The following XPO7 variants were observed in gnomAD, a reference collection of about 807,000 sequenced individuals.
XPO7 encodes exportin-7.
XPO7 carries 21 observed loss-of-function variants against 144.3 expected under a neutral mutation model. The ratio of observed to expected loss-of-function variants is 0.15; its 90% confidence interval spans 0.10 to 0.21. The LOEUF (loss-of-function observed/expected upper bound fraction) is 0.21, where lower values mean the gene tolerates loss of function less well. XPO7 is among the 10% of genes least tolerant of loss of function. XPO7 has a pLI of 1.00. For synonymous variants in XPO7, 580 were observed against 499.6 expected, an observed-to-expected ratio of 1.16 and a Z score of -2.15; for missense variants, 808 against 1,325.8, an observed-to-expected ratio of 0.61 and a Z score of 6.06.
intron 1 of XPO7, among the ~76,000 whole-genome samples, chr8:21,943,979 A>G (rs1280104064): frequency 1.3e-5 from 2 of 152,248 alleles, no homozygotes; most frequent in South Asian, 2.1e-4. Flanking sequence ...ACAAAAATGT[A>G]TCTGGAGTTC....
chr8:21,973,796 A>G (rs1812139807), intron 5 of XPO7, among the ~76,000 whole-genome samples: 2 of 152,260 alleles, frequency 1.3e-5, no homozygotes, highest in Admixed American at 6.5e-5. Flanking sequence ...GACTGGGAGC[A>G]TACTAAAGAA....
In XPO7 at chr8:21,974,714, T is replaced by C. The variant is rs745561592; in HGVS notation, c.537T>C (p.Ser179=). ...HPLTKHRKIA[S]SFRDSSLFDI... ...TAACCAAGCACAGAAAAATAGCCTCTTCTTTTCGCGATTCATCATTATTTG... is the reference window on the plus strand; with the variant it reads ...TAACCAAGCACAGAAAAATAGCCTCCTCTTTTCGCGATTCATCATTATTTG... The change falls in exon 6 of 28, where the codon TCT becomes TCC. Residue 179 remains serine, a synonymous_variant. Coordinates refer to ENST00000252512, the MANE Select transcript of XPO7 (RefSeq NM_015024.5). 4 of 1,593,844 alleles carry C rather than the reference T, an allele frequency of 2.5e-6. No individual in the cohort carries two copies. In the East Asian group the frequency reaches 6.7e-5, roughly 27 times the overall value.
At chr8:21,954,511 G>C (rs1271426572) in intron 1 of XPO7, among the ~76,000 whole-genome samples, 1 of 152,082 alleles carries the variant, frequency 6.6e-6, no homozygotes, top group East Asian at 1.9e-4. Context: ...GCACAGACCT[G>C]TAATCCCAGC....
At chr8:21,927,389 A>G (rs918339212) in intron 1 of XPO7, among the ~76,000 whole-genome samples, 13 of 152,144 alleles carry the variant, frequency 8.5e-5, no homozygotes, top group African/African-American at 3.1e-4. Context: ...TGTTGTGAGC[A>G]AGAAGTTTTA....
chr8:21,938,891 G>A (rs1469675661), intron 1 of XPO7, among the ~76,000 whole-genome samples: 2 of 152,134 alleles, frequency 1.3e-5, no homozygotes, highest in African/African-American at 2.4e-5. Context: ...TAATGAGAAT[G>A]AGGAGCCTGG....
intron 1 of XPO7, among the ~76,000 whole-genome samples, chr8:21,951,113 A>G (rs1379635604): frequency 1.3e-5 from 2 of 152,118 alleles, no homozygotes; most frequent in Non-Finnish European, 2.9e-5. Context: ...TTAATTAATT[A>G]ATTAAGGAAG....
chr8:21,932,009 G>T (rs1444147154), intron 1 of XPO7, among the ~76,000 whole-genome samples: 2 of 152,024 alleles, frequency 1.3e-5, no homozygotes, highest in Non-Finnish European at 2.9e-5. Context: ...TAGTAGTTGA[G>T]ATTACAAGCA....
At chr8:21,957,428 T>C (rs1447934886) in intron 1 of XPO7, among the ~76,000 whole-genome samples, 1 of 152,208 alleles carries the variant, frequency 6.6e-6, no homozygotes, top group Non-Finnish European at 1.5e-5. Context: ...TTGTTCAGCT[T>C]TTCTCACTGC....
intron 1 of XPO7, among the ~76,000 whole-genome samples, chr8:21,941,235 A>G (rs758897348): frequency 6.6e-6 from 1 of 151,372 alleles, no homozygotes; most frequent in Non-Finnish European, 1.5e-5. Context: ...CCACGCCACA[A>G]CCCCGCTCCC....
intron 24 of XPO7, among the ~76,000 whole-genome samples, chr8:22,000,701 G>C (rs1407833470): frequency 6.6e-6 from 1 of 151,964 alleles, no homozygotes; most frequent in African/African-American, 2.4e-5. Flanking sequence ...GATCCGCCTG[G>C]CTTGGCCTCC....
intron 4 of XPO7, 117 bp downstream of exon 4, chr8:21,970,427 C>A: frequency 9.6e-7 from 1 of 1,046,624 alleles, no homozygotes; most frequent in African/African-American, 1.6e-5. Flanking sequence ...AAACATGACA[C>A]AAAATAGAAT....
rs931448981 is a variant in XPO7 at position 21,919,696 on chromosome 8, G to GGCGGCGGCA, written c.-69_-61dup. ...GCGCAGCGGCGACGGCGTCGGCGGC[G>GGCGGCGGCA]GCGGCGGCAGCGGCTCCGGCCGAGG... is the stretch of plus-strand genomic sequence containing the variant. On this transcript the variant is annotated 5_prime_UTR_variant, in exon 1 of 28. Coordinates refer to ENST00000252512, the MANE Select transcript of XPO7 (RefSeq NM_015024.5). The GGCGGCGGCA allele has an allele frequency of 2.2e-3, 448 of 200,964 alleles. 10 individuals are homozygous for GGCGGCGGCA. The East Asian group carries it at 0.054, about 24-fold the overall frequency. The allele number at this position is 200,964 out of a possible 1,614,324, so 12.4% of individuals were successfully genotyped here. A position where few individuals can be genotyped will look rare whatever the true frequency, so the allele number is the denominator to read the frequency against.
intron 1 of XPO7, among the ~76,000 whole-genome samples, chr8:21,947,872 G>A (rs1408657100): frequency 6.6e-6 from 1 of 152,138 alleles, no homozygotes; most frequent in Non-Finnish European, 1.5e-5. Context: ...TTCTCAAGTT[G>A]TATGTGCTTT....
At chr8:22,004,515 T>A (rs1813257270) in intron 27 of XPO7, among the ~76,000 whole-genome samples, 1 of 152,238 alleles carries the variant, frequency 6.6e-6, no homozygotes, top group South Asian at 2.1e-4. Flanking sequence ...TTAATTAATT[T>A]AAAACAAGGC....
At chr8:21,971,978 A>G (rs562663010) in intron 5 of XPO7, 37 bp downstream of exon 5, 6 of 1,599,312 alleles carry the variant, frequency 3.8e-6, no homozygotes, top group South Asian at 2.2e-5. Flanking sequence ...AGTAAGTGCC[A>G]TATTTTTTCT....
chr8:21,943,213 G>A (rs898777750), intron 1 of XPO7, among the ~76,000 whole-genome samples: 4 of 152,102 alleles, frequency 2.6e-5, no homozygotes, highest in African/African-American at 7.2e-5. Flanking sequence ...CAGCACTCTC[G>A]GGTTAATTTT....
At chr8:21,977,912 T>A in intron 8 of XPO7, 69 bp downstream of exon 8, 1 of 1,360,214 alleles carries the variant, frequency 7.4e-7, no homozygotes, top group Non-Finnish European at 1.0e-6. Flanking sequence ...ATGAACCTTA[T>A]ATTCGTTTTG....
chr8:21,925,781 T>C (rs1002481945), intron 1 of XPO7, among the ~76,000 whole-genome samples: 6 of 152,212 alleles, frequency 3.9e-5, no homozygotes, highest in African/African-American at 1.4e-4. Context: ...CTCTCCCCAA[T>C]ATAGCACCGT....
chr8:21,919,846 G>A, intron 1 of XPO7, 58 bp downstream of exon 1: 1 of 337,982 alleles, frequency 3.0e-6, no homozygotes, highest in Non-Finnish European at 5.4e-6. Flanking sequence ...TGGAGTCGGG[G>A]GTGCACACGG....
Sources: gnomAD v4.1 joint callset for allele counts (sites outside exome capture counted in the v4.1 genomes callset) on GRCh38, gnomAD v4.1.1 for gene constraint, MANE v1.5 for transcripts, NCBI Gene and HGNC (gene_info 2026-07-23, HGNC 2026-07-21) for gene names.